The following RNF180 variants were observed in gnomAD, a reference collection of about 807,000 sequenced individuals.
The protein encoded by RNF180 is ring finger protein 180, also known as E3 ubiquitin-protein ligase RNF180.
RNF180 carries 38 observed loss-of-function variants against 59.2 expected under a neutral mutation model. The observed-to-expected ratio is 0.64, with a 90% CI of 0.50 to 0.84. RNF180 has a LOEUF of 0.84. RNF180 is among the 40% of genes least tolerant of loss of function. The pLI, the probability that RNF180 is intolerant of heterozygous loss-of-function variation, is 0.00. For missense variants in RNF180, 705 were observed against 700.9 expected (o/e 1.01, Z -0.07); for synonymous variants, 262 against 240.3 (o/e 1.09, Z -0.84).
chr5:64,352,183 T>TTTGC (rs1246914636), intron 7 of RNF180, among the ~76,000 whole-genome samples: 3 of 152,170 alleles, frequency 2.0e-5, no homozygotes, highest in Non-Finnish European at 4.4e-5. Context: ...TTCTAGTTTA[T>TTTGC]TTGCATAGAG....
rs200645417 is a variant in RNF180 at position 64,200,815 on chromosome 5, G to T, written c.8G>T (p.Arg3Ile). ...GCACTAATGTTTCCGCAGATGAAAA[G>T]AAGCAAAGAATTGATAACTAAAAAT... is the stretch of plus-strand genomic sequence containing the variant. MK[R>I]SKELITKNHS... Residue 3 changes from arginine (R) to isoleucine (I), a missense_variant, in exon 2 of 8, where the codon AGA (arginine) becomes ATA (isoleucine). Coordinates refer to ENST00000389100, the MANE Select transcript of RNF180 (RefSeq NM_001113561.2). 1.2e-5 allele frequency: 19 copies of T among 1,611,414 alleles called. No homozygotes were observed. The East Asian group carries it at 3.8e-4, about 32-fold the overall frequency.
At chr5:64,283,038 A>G (rs1298358936) in intron 5 of RNF180, among the ~76,000 whole-genome samples, 1 of 152,080 alleles carries the variant, frequency 6.6e-6, no homozygotes, top group African/African-American at 2.4e-5. Flanking sequence ...TGTTAAGTTC[A>G]AGTTTAGATA....
intron 5 of RNF180, among the ~76,000 whole-genome samples, chr5:64,298,081 G>A (rs1742977485): frequency 6.6e-6 from 1 of 151,836 alleles, no homozygotes; most frequent in Admixed American, 6.6e-5. Context: ...GTGTTCTCAT[G>A]ATGTAGCTCC....
At chr5:64,349,556 A>T (rs1054692685) in intron 7 of RNF180, among the ~76,000 whole-genome samples, 3 of 151,764 alleles carry the variant, frequency 2.0e-5, no homozygotes, top group Non-Finnish European at 4.4e-5. Context: ...CATTAGGTAT[A>T]TCTCCTAATA....
At chr5:64,310,330 C>T (rs141108401) in intron 5 of RNF180, among the ~76,000 whole-genome samples, 380 of 151,734 alleles carry the variant, frequency 2.5e-3, no homozygotes, top group Non-Finnish European at 3.6e-3. Context: ...AGCCACTTCC[C>T]CTAGAGATCT....
At chr5:64,282,801 A>G (rs138673727) in intron 5 of RNF180, among the ~76,000 whole-genome samples, 36 of 152,258 alleles carry the variant, frequency 2.4e-4, no homozygotes, top group African/African-American at 8.2e-4. Flanking sequence ...TTTAATTTGC[A>G]TGTGACTATA....
chr5:64,323,772 A>C (rs1400308313), intron 5 of RNF180, among the ~76,000 whole-genome samples: 2 of 152,154 alleles, frequency 1.3e-5, no homozygotes, highest in Non-Finnish European at 2.9e-5. Flanking sequence ...TAAATGTATT[A>C]AGTGGATTAC....
At chr5:64,355,270 C>T (rs1398049854) in intron 7 of RNF180, among the ~76,000 whole-genome samples, 1 of 151,766 alleles carries the variant, frequency 6.6e-6, no homozygotes, top group African/African-American at 2.4e-5. Context: ...TTTCTGTACA[C>T]TAGGAATGAA....
At chr5:64,354,645 G>T (rs903877320) in intron 7 of RNF180, among the ~76,000 whole-genome samples, 2 of 151,710 alleles carry the variant, frequency 1.3e-5, no homozygotes, top group Non-Finnish European at 2.9e-5. Context: ...CACAAGAAAA[G>T]AATTATAGAC....
intron 7 of RNF180, among the ~76,000 whole-genome samples, chr5:64,354,430 A>G (rs1745935550): frequency 1.3e-5 from 2 of 151,880 alleles, no homozygotes; most frequent in South Asian, 4.1e-4. Context: ...CAGAACTATA[A>G]CAAGTAAAAA....
At chr5:64,195,390 AACCACCTCCTGTGT>A (rs888368338) in intron 1 of RNF180, among the ~76,000 whole-genome samples, 11 of 152,216 alleles carry the variant, frequency 7.2e-5, no homozygotes, top group African/African-American at 2.7e-4. Context: ...AATTGTTATT[AACCACCTCCTGTGT>A]AGTTAGGAAA....
intron 5 of RNF180, among the ~76,000 whole-genome samples, chr5:64,297,928 CATGTGCAGG>C (rs1267857787): frequency 2.0e-5 from 3 of 151,920 alleles, no homozygotes; most frequent in Admixed American, 2.0e-4. Context: ...TTCGGGGGTA[CATGTGCAGG>C]ATGTGCAGGT....
intron 5 of RNF180, among the ~76,000 whole-genome samples, chr5:64,312,721 GTA>G (rs1743833517): frequency 6.6e-6 from 1 of 152,020 alleles, no homozygotes. Flanking sequence ...GGAGTAGGTG[GTA>G]CCAAAATCAC....
chr5:64,298,836 T>C (rs1743023320), intron 5 of RNF180, among the ~76,000 whole-genome samples: 1 of 152,016 alleles, frequency 6.6e-6, no homozygotes, highest in African/African-American at 2.4e-5. Flanking sequence ...TATTGGTTAC[T>C]GTTTAATTAG....
At chr5:64,360,017 C>T (rs1005480876) in intron 7 of RNF180, among the ~76,000 whole-genome samples, 3 of 151,918 alleles carry the variant, frequency 2.0e-5, no homozygotes, top group Non-Finnish European at 2.9e-5. Context: ...GTACCAGTAC[C>T]GTGCTGTTTT....
chr5:64,286,553 T>C (rs186989064), intron 5 of RNF180, among the ~76,000 whole-genome samples: 3 of 152,318 alleles, frequency 2.0e-5, no homozygotes, highest in Non-Finnish European at 1.5e-5. Flanking sequence ...ACCTGAAAAA[T>C]TGAATCACCC....
At chr5:64,202,420 G>A (rs1163836581) in intron 2 of RNF180, among the ~76,000 whole-genome samples, 2 of 152,064 alleles carry the variant, frequency 1.3e-5, no homozygotes, top group Non-Finnish European at 2.9e-5. Flanking sequence ...ATTCGTTCCA[G>A]TTTTAAGTTA....
chr5:64,290,389 G>A (rs943287580), intron 5 of RNF180, among the ~76,000 whole-genome samples: 1 of 152,206 alleles, frequency 6.6e-6, no homozygotes, highest in Non-Finnish European at 1.5e-5. Context: ...ATATCTATCA[G>A]ATATGCTTGA....
intron 7 of RNF180, among the ~76,000 whole-genome samples, chr5:64,330,721 C>T (rs1055149482): frequency 5.3e-5 from 8 of 152,326 alleles, no homozygotes; most frequent in South Asian, 2.1e-4. Context: ...TTTATGGCAG[C>T]GGCAGCCCAT....
Sources: gnomAD v4.1 joint callset for allele counts (sites outside exome capture counted in the v4.1 genomes callset) on GRCh38, gnomAD v4.1.1 for gene constraint, MANE v1.5 for transcripts, NCBI Gene and HGNC (gene_info 2026-07-23, HGNC 2026-07-21) for gene names.